The following MAX variants were observed in gnomAD, a reference collection of about 807,000 sequenced individuals.
MAX encodes the protein MYC associated transcriptional regulator X, also known as protein max.
Under a neutral mutation model 22.3 loss-of-function variants are expected in MAX, and 3 were observed. That is an observed-to-expected ratio of 0.13 (90% CI 0.06 to 0.35). The LOEUF (loss-of-function observed/expected upper bound fraction) is 0.35, where lower values mean the gene tolerates loss of function less well. MAX is among the 10% of genes least tolerant of loss of function. The pLI is 1.00. For synonymous variants in MAX, 72 were observed against 77.7 expected (o/e 0.93, Z 0.39); for missense variants, 119 against 209.4 (o/e 0.57, Z 2.66).
chr14:65,075,666 G>A lies in MAX; in HGVS notation c.*810C>T. On this transcript the variant is annotated 3_prime_UTR_variant, in exon 5 of 5. Coordinates refer to ENST00000358664, the MANE Select transcript of MAX (RefSeq NM_002382.5). This position sits in a 1 kb window ranked among gnomAD's most constrained non-coding sequence, Gnocchi z 4.1. ...AATAAATATCAAAACATCATCACTGGCCCTCAATACAAAACCTCTATGCCA... is the reference window on the plus strand; with the variant it reads ...AATAAATATCAAAACATCATCACTGACCCTCAATACAAAACCTCTATGCCA... 1 of 1,066,276 alleles carries A rather than the reference G, an allele frequency of 9.4e-7. No individual in the cohort carries two copies. The highest frequency in any genetic ancestry group is 1.1e-6 in the Non-Finnish European group (1 of 879,734). The allele number at this position is 1,066,276 out of a possible 1,614,324, so 66.1% of individuals were successfully genotyped here.
In MAX at chr14:65,007,262, C is replaced by G. The variant is rs989699415; in HGVS notation, c.172-978G>C. 3.3e-5 allele frequency among the ~76,000 whole-genome samples: 5 copies of G among 152,116 alleles called. No individual in the cohort carries two copies. Among genetic ancestry groups the G allele is most frequent in the Non-Finnish European group, 7.4e-5 (5 of 68,014 alleles). On this transcript the variant is annotated intron_variant, in intron 3 of 3. Coordinates refer to the MAX transcript ENST00000341653. The surrounding 1 kb of genome is among the most constrained non-coding windows in gnomAD (Gnocchi z 4.9). ...TCTCAATATTTAACATATTAATAGT[C>G]AAAATTTAAAAGTCTGACACTTTAA...
At chr14:65,046,473 G>A (rs543527929) in intron 3 of MAX, among the ~76,000 whole-genome samples, 2 of 152,306 alleles carry the variant, frequency 1.3e-5, no homozygotes, top group South Asian at 4.1e-4. Context: ...CTTCCAGGGG[G>A]GCTGCTGGTT....
chr14:65,090,764 A>T (rs1183835828), intron 3 of MAX: 1 of 152,166 alleles, frequency 6.6e-6, no homozygotes, highest in Non-Finnish European at 1.5e-5. Flanking sequence ...CTGTCTCCCA[A>T]AGTGCTGGTA....
downstream of MAX, among the ~76,000 whole-genome samples, chr14:65,072,797 G>A (rs920206147): frequency 2.6e-5 from 4 of 152,198 alleles, no homozygotes; most frequent in East Asian, 5.8e-4. Context: ...AGCCTCACTC[G>A]AGTTGACACC....
At chr14:65,101,151 A>G (rs1267282777) in intron 2 of MAX, among the ~76,000 whole-genome samples, 2 of 152,230 alleles carry the variant, frequency 1.3e-5, no homozygotes, top group East Asian at 3.8e-4. Flanking sequence ...GCTTCACACA[A>G]TTATACAGAT....
chr14:65,024,792 A>T (rs1337596146), intron 3 of MAX, among the ~76,000 whole-genome samples: 1 of 151,930 alleles, frequency 6.6e-6, no homozygotes, highest in Non-Finnish European at 1.5e-5. Context: ...AAAAAAAAAT[A>T]TTTTTTTGTA....
rs141396269 is a variant in MAX at position 65,084,187 on chromosome 14, T to C, written c.172-6151A>G. ...GGTCAAAACAATCATTTTTTAAATCTTGCATTCTTTTTTCTTGTGCACTTG... is the reference window on the plus strand; with the variant it reads ...GGTCAAAACAATCATTTTTTAAATCCTGCATTCTTTTTTCTTGTGCACTTG... On this transcript the variant is annotated intron_variant, in intron 3 of 4. Transcript: ENST00000358664. This position sits in a 1 kb window ranked among gnomAD's most constrained non-coding sequence, Gnocchi z 4.3. 1.5e-4 allele frequency: 240 copies of C among 1,613,902 alleles called. 1 individual carries two copies. Among genetic ancestry groups the C allele is most frequent in the Middle Eastern group, 4.9e-4 (3 of 6,082 alleles).
At chr14:65,070,892 TGAA>T (rs1309938608), downstream of MAX, among the ~76,000 whole-genome samples, 3 of 152,246 alleles carry the variant, frequency 2.0e-5, no homozygotes, top group Admixed American at 6.5e-5. This position sits in a 1 kb window ranked among gnomAD's most constrained non-coding sequence, Gnocchi z 4.4. Flanking sequence ...GAAACTGGAA[TGAA>T]GAACAGGGCA....
intron 3 of MAX, among the ~76,000 whole-genome samples, chr14:65,049,780 CT>C (rs2139663050): frequency 6.6e-6 from 1 of 152,050 alleles, no homozygotes; most frequent in South Asian, 2.1e-4. Flanking sequence ...AATAAATATG[CT>C]TTTTTAAATA....
chr14:65,018,582 G>A (rs998611355), intron 3 of MAX, among the ~76,000 whole-genome samples: 18 of 152,028 alleles, frequency 1.2e-4, no homozygotes, highest in African/African-American at 3.4e-4. Flanking sequence ...GGCCAAGGTC[G>A]GCAGATCACC....
At chr14:65,034,728 A>G (rs2062152010) in intron 3 of MAX, among the ~76,000 whole-genome samples, 1 of 152,114 alleles carries the variant, frequency 6.6e-6, no homozygotes, top group African/African-American at 2.4e-5. Flanking sequence ...TTGCTGTGGT[A>G]AGTATGGAAT....
At position 65,076,081 on chromosome 14, in the gene MAX, G is replaced by C; in HGVS notation, c.*395C>G. The C allele has an allele frequency of 8.1e-7, 1 of 1,241,000 alleles. No homozygotes were observed. The highest frequency in any genetic ancestry group is 1.0e-6 in the Non-Finnish European group (1 of 988,272). The allele number at this position is 1,241,000 out of a possible 1,614,324, so 76.9% of individuals were successfully genotyped here. On this transcript the variant is annotated 3_prime_UTR_variant, in exon 5 of 5. Coordinates refer to ENST00000358664, the MANE Select transcript of MAX (RefSeq NM_002382.5). The surrounding 1 kb of genome is among the most constrained non-coding windows in gnomAD (Gnocchi z 6.6). ...TATCAGAGGTGAGGGCGGGCCAGGA[G>C]GCCACCTGGGCAGGGCAGGCGTCCC...
intron 3 of MAX, among the ~76,000 whole-genome samples, chr14:65,017,167 C>A (rs571437490): frequency 2.0e-4 from 31 of 152,212 alleles, no homozygotes; most frequent in Admixed American, 5.2e-4. Flanking sequence ...AGCTGATCTA[C>A]CTGCCTCGGC....
At chr14:65,053,625 T>TAAAAAAAAAACAAAAAAA (rs201558638) in intron 3 of MAX, among the ~76,000 whole-genome samples, 2 of 146,246 alleles carry the variant, frequency 1.4e-5, no homozygotes, top group African/African-American at 5.4e-5. Context: ...CTTCTTTTTT[T>TAAAAAAAAAACAAAAAAA]TAAAAAAAAC....
Position 65,076,842 on chromosome 14 carries a change from C to A in MAX, c.296-179G>T. 1 of 699,442 alleles carries A rather than the reference C, an allele frequency of 1.4e-6. No homozygotes were observed. The highest frequency in any genetic ancestry group is 2.5e-6 in the Non-Finnish European group (1 of 392,646). The allele number at this position is 699,442 out of a possible 1,614,324, so 43.3% of individuals were successfully genotyped here. On this transcript the variant is annotated intron_variant, in intron 4 of 4. Transcript: ENST00000358664. This position sits in a 1 kb window ranked among gnomAD's most constrained non-coding sequence, Gnocchi z 6.6. Reference sequence around the variant, plus strand: ...TCACTCACACACTTCATTTCCCTCCCGCCTTTCCCAGCTGGACCTGGGAGC... The same window carrying A: ...TCACTCACACACTTCATTTCCCTCCAGCCTTTCCCAGCTGGACCTGGGAGC...
At chr14:65,041,090 G>A (rs112995565) in intron 3 of MAX, among the ~76,000 whole-genome samples, 35 of 152,284 alleles carry the variant, frequency 2.3e-4, no homozygotes, top group African/African-American at 7.9e-4. Context: ...TCCCCCTTCT[G>A]CCTTTCTGTC....
downstream of MAX, among the ~76,000 whole-genome samples, chr14:65,070,301 G>C (rs546118112): frequency 1.3e-5 from 2 of 152,132 alleles, no homozygotes; most frequent in Admixed American, 6.5e-5. The surrounding 1 kb of genome is among the most constrained non-coding windows in gnomAD (Gnocchi z 4.4). Context: ...GGAGTAGAAG[G>C]TTTGGGCTCA....
At position 65,031,695 on chromosome 14, in the gene MAX, T is replaced by C. The variant is rs112306494; in HGVS notation, c.172-25411A>G. On this transcript the variant is annotated intron_variant, in intron 3 of 3. Transcript: ENST00000341653. This position sits in a 1 kb window ranked among gnomAD's most constrained non-coding sequence, Gnocchi z 4.6. The stretch of plus-strand genomic sequence containing the variant: ...CAGCACTTTGGGAGGCCAAGGCAGG[T>C]GGATTGCTTGAGGTCAGGAGTTTGA... Among the ~76,000 whole-genome samples, 45,759 of 151,766 alleles carry C rather than the reference T, an allele frequency of 0.3. 7,918 individuals carry two copies. Among genetic ancestry groups the C allele is most frequent in the African/African-American group, 0.46 (19,109 of 41,442 alleles).
At chr14:65,049,412 G>T (rs1192870727) in intron 3 of MAX, among the ~76,000 whole-genome samples, 3 of 152,106 alleles carry the variant, frequency 2.0e-5, no homozygotes, top group African/African-American at 7.2e-5. Flanking sequence ...TTAGAATGGC[G>T]ACCTATAATT....
Sources: gnomAD v4.1 joint callset for allele counts (sites outside exome capture counted in the v4.1 genomes callset) on GRCh38, gnomAD v4.1.1 for gene constraint, Gnocchi (gnomAD v3.1) non-coding constraint, MANE v1.5 for transcripts, NCBI Gene and HGNC (gene_info 2026-07-23, HGNC 2026-07-21) for gene names.